Variants in TMEM209 observed in about 807,000 individuals in gnomAD.
TMEM209 encodes the protein transmembrane protein 209.
Under a neutral mutation model 76.2 loss-of-function variants are expected in TMEM209, and 65 were observed. The ratio of observed to expected loss-of-function variants is 0.85; its 90% CI spans 0.70 to 1.05. The LOEUF is 1.05. TMEM209 is among the 50% of genes least tolerant of loss of function. The pLI is 0.00. For synonymous variants in TMEM209, 239 were observed against 237.6 expected, an observed-to-expected ratio of 1.01 and a Z score of -0.06; for missense variants, 623 against 685.5, an observed-to-expected ratio of 0.91 and a Z score of 1.02.
chr7:130,190,247 G>A (rs1022427086), intron 6 of TMEM209, among the ~76,000 whole-genome samples: 3 of 152,192 alleles, frequency 2.0e-5, no homozygotes, highest in African/African-American at 7.2e-5. Context: ...GCCAGGCGCG[G>A]TGGCTCACGG....
intron 6 of TMEM209, among the ~76,000 whole-genome samples, chr7:130,190,736 C>T (rs1797765769): frequency 6.6e-6 from 1 of 151,994 alleles, no homozygotes; most frequent in African/African-American, 2.4e-5. Flanking sequence ...ATGGCTTACG[C>T]CTATAATCCC....
At chr7:130,205,018 T>C (rs1482999752) in intron 1 of TMEM209, 25 of 1,214,148 alleles carry the variant, frequency 2.1e-5, no homozygotes, top group Non-Finnish European at 2.5e-5. Context: ...AAACGTGCAT[T>C]GTTTTGGTCC....
intron 5 of TMEM209, among the ~76,000 whole-genome samples, chr7:130,198,010 C>T (rs1387475502): frequency 6.6e-6 from 1 of 152,218 alleles, no homozygotes; most frequent in Non-Finnish European, 1.5e-5. Flanking sequence ...CAGGATTATA[C>T]AGCCATCACA....
rs367751294 is a variant in TMEM209, at chr7:130,175,492, G to T, written c.1344+20C>A. Reference sequence around the variant, plus strand: ...ATCAACAGTAAATAAATAAATGAATGAAAGAATCTAGGGGCTTACAGCAGA... The same window carrying T: ...ATCAACAGTAAATAAATAAATGAATTAAAGAATCTAGGGGCTTACAGCAGA... On this transcript the variant is annotated intron_variant, in intron 11 of 14. Transcript: ENST00000397622. 2.5e-6 allele frequency: 4 copies of T among 1,600,050 alleles called. No individual in the cohort carries two copies. In the African/African-American group the frequency reaches 5.4e-5, roughly 21 times the overall value.
At chr7:130,188,595 CAAAAAAAAAAAAAA>C (rs10649977) in intron 6 of TMEM209, among the ~76,000 whole-genome samples, 1 of 72,704 alleles carries the variant, frequency 1.4e-5, no homozygotes, top group Non-Finnish European at 2.5e-5. Context: ...GACTCCGTAT[CAAAAAAAAAAAAAA>C]AAAAAAAAAA....
At chr7:130,175,172 A>C (rs1584668811) in intron 11 of TMEM209, 2 of 195,116 alleles carry the variant, frequency 1.0e-5, no homozygotes, top group South Asian at 3.8e-4. Flanking sequence ...AAACAAAATA[A>C]ATCTAAGGGT....
intron 10 of TMEM209, among the ~76,000 whole-genome samples, chr7:130,177,121 G>T (rs752820116): frequency 6.6e-6 from 1 of 151,892 alleles, no homozygotes; most frequent in Admixed American, 6.6e-5. Flanking sequence ...AGGAGGCCAA[G>T]GTGGGTGGAT....
intron 9 of TMEM209, among the ~76,000 whole-genome samples, chr7:130,180,611 C>T (rs1370112161): frequency 6.6e-6 from 1 of 152,096 alleles, no homozygotes; most frequent in Non-Finnish European, 1.5e-5. Context: ...TCAGGTGATC[C>T]GCCCACCTCC....
At chr7:130,194,360 T>C (rs1448141272) in intron 5 of TMEM209, among the ~76,000 whole-genome samples, 1 of 149,148 alleles carries the variant, frequency 6.7e-6, no homozygotes, top group East Asian at 2.0e-4. Flanking sequence ...AGGTAACTCA[T>C]GGAGCCCAGG....
chr7:130,167,244 T>TA (rs774903644), intron 14 of TMEM209, among the ~76,000 whole-genome samples: 12 of 152,110 alleles, frequency 7.9e-5, no homozygotes, highest in Non-Finnish European at 1.8e-4. Flanking sequence ...GTCATGAACT[T>TA]TTAGCCCTCT....
At chr7:130,176,143 C>T (rs1180906085) in intron 10 of TMEM209, among the ~76,000 whole-genome samples, 5 of 147,948 alleles carry the variant, frequency 3.4e-5, no homozygotes, top group Admixed American at 6.7e-5. Flanking sequence ...GACAGAGTCT[C>T]GCTCTGTCAC....
chr7:130,202,396 T>C, intron 4 of TMEM209, 136 bp downstream of exon 4: 7 of 1,249,506 alleles, frequency 5.6e-6, no homozygotes, highest in Non-Finnish European at 6.6e-6. Flanking sequence ...TCATTGGTCA[T>C]AAGACAATTT....
chr7:130,179,362 C>A (rs989092194), intron 9 of TMEM209, among the ~76,000 whole-genome samples: 1 of 152,036 alleles, frequency 6.6e-6, no homozygotes, highest in African/African-American at 2.4e-5. Context: ...GCAGCCAAAT[C>A]GATTTTGGCA....
intron 1 of TMEM209, among the ~76,000 whole-genome samples, 173 bp from the exon 2 acceptor site, chr7:130,204,283 C>T (rs191151295): frequency 9.3e-4 from 141 of 152,206 alleles, no homozygotes; most frequent in Non-Finnish European, 1.6e-3. Context: ...AAAGGGAACC[C>T]AAAATTATAT....
chr7:130,203,906 A>C, intron 2 of TMEM209, 60 bp from the exon 3 acceptor site: 2 of 1,594,042 alleles, frequency 1.3e-6, no homozygotes, highest in Non-Finnish European at 1.7e-6. Flanking sequence ...TCAAAAACAA[A>C]CACAAAAACC....
At chr7:130,174,007 G>A (rs1240737777) in intron 11 of TMEM209, 68 bp from the exon 12 acceptor site, 3 of 1,060,658 alleles carry the variant, frequency 2.8e-6, no homozygotes, top group African/African-American at 3.2e-5. Context: ...GAACCCTTTA[G>A]AAACATCTGT....
chr7:130,203,225 T>C (rs1798283154), intron 3 of TMEM209, among the ~76,000 whole-genome samples: 1 of 152,218 alleles, frequency 6.6e-6, no homozygotes, highest in South Asian at 2.1e-4. Flanking sequence ...AAGTGACTCT[T>C]ACAAGAGTAG....
Position 130,198,394 on chromosome 7 carries a change from C to T in TMEM209, c.573+3456G>A, listed in dbSNP as rs577028283. 5.3e-5 allele frequency among the ~76,000 whole-genome samples: 8 copies of T among 152,130 alleles called. No individual in the cohort carries two copies. The East Asian group carries it at 1.5e-3, about 29-fold the overall frequency. ...GGGAGGCTGAGGTGGGCGGATCACTCGAGGTCAAGAGTTGGAGACCAGCCT... is the reference window on the plus strand; with the variant it reads ...GGGAGGCTGAGGTGGGCGGATCACTTGAGGTCAAGAGTTGGAGACCAGCCT... On this transcript the variant is annotated intron_variant, in intron 5 of 14. Transcript: ENST00000397622.
chr7:130,166,581 T>C, intron 14 of TMEM209, 76 bp from the exon 15 acceptor site: 2 of 828,126 alleles, frequency 2.4e-6, no homozygotes, highest in Non-Finnish European at 3.7e-6. Flanking sequence ...CAAAAAACTT[T>C]ATGAATAATA....
Sources: allele counts gnomAD v4.1 joint callset (sites outside exome capture counted in the v4.1 genomes callset), GRCh38; gene constraint gnomAD v4.1.1; transcripts MANE v1.5; gene names NCBI Gene and HGNC (gene_info 2026-07-23, HGNC 2026-07-21).